MAPK10: variants seen among roughly 807,000 people sequenced by gnomAD.
The protein encoded by MAPK10 is mitogen-activated protein kinase 10, also known as JNK3 alpha protein kinase.
In MAPK10, 25 loss-of-function variants were observed where a neutral mutation model predicts 59.3. The observed-to-expected ratio is 0.42, with a 90% confidence interval of 0.31 to 0.59. The LOEUF is 0.59. Ranked by LOEUF, MAPK10 falls within the 20% of genes least tolerant of loss-of-function variation. The pLI, the probability that MAPK10 is intolerant of heterozygous loss-of-function variation, is 0.15. For synonymous variants in MAPK10, 190 were observed against 200.5 expected (o/e 0.95, Z 0.44); for missense variants, 351 against 568.9 (o/e 0.62, Z 3.90).
rs2061865378 is a variant in MAPK10, at chr4:86,135,579, G to C, written c.236+23719C>G. Among the ~76,000 whole-genome samples the C allele has an allele frequency of 2.0e-5, 3 of 152,158 alleles. No individual in the cohort carries two copies. In the South Asian group the frequency reaches 6.2e-4, roughly 32 times the overall value. ...GACCAAAAGTAGATAAAACCACAAA[G>C]ATGGGGAAAAAACAGAACAGAAAAA... On this transcript the variant is annotated intron_variant, in intron 4 of 13. Coordinates refer to ENST00000641462, the MANE Select transcript of MAPK10 (RefSeq NM_138982.4).
chr4:86,325,918 G>A (rs991246179), intron 2 of MAPK10: 1 of 152,200 alleles, frequency 6.6e-6, no homozygotes, highest in Non-Finnish European at 1.5e-5. Flanking sequence ...CATGCAGCAT[G>A]TCAGAGGACC....
intron 4 of MAPK10, chr4:86,124,004 A>G (rs905705593): frequency 6.6e-6 from 1 of 152,076 alleles, no homozygotes; most frequent in South Asian, 2.1e-4. Context: ...ACTCAAAATA[A>G]AGCTATGGAA....
At chr4:86,247,037 G>C (rs145002128) in intron 2 of MAPK10, among the ~76,000 whole-genome samples, 1 of 152,172 alleles carries the variant, frequency 6.6e-6, no homozygotes, top group Non-Finnish European at 1.5e-5. Flanking sequence ...GCTTCAGCCA[G>C]AGAGAATAAG....
At chr4:86,452,821 C>A (rs1340596272) in intron 1 of MAPK10, among the ~76,000 whole-genome samples, 1 of 152,090 alleles carries the variant, frequency 6.6e-6, no homozygotes, top group Non-Finnish European at 1.5e-5. Context: ...GCATCGTGAA[C>A]TTTTGCTCCA....
intron 4 of MAPK10, among the ~76,000 whole-genome samples, chr4:86,157,289 T>A (rs1296394454): frequency 1.3e-5 from 2 of 151,940 alleles, no homozygotes; most frequent in Middle Eastern, 3.2e-3. Context: ...CATATGCCAA[T>A]ACTTATGCTT....
rs2042794468 is a variant in MAPK10, at chr4:86,047,826, G to A, written c.1111-16395C>T. Reference sequence around the variant, plus strand: ...ATTGGAAGATGGGAAGGTGTTAGCTGAGGAATTATGTGAATGTAACGTGTT... The same window carrying A: ...ATTGGAAGATGGGAAGGTGTTAGCTAAGGAATTATGTGAATGTAACGTGTT... On this transcript the variant is annotated intron_variant, in intron 11 of 13. Transcript: ENST00000641462. Among the ~76,000 whole-genome samples, 2 of 152,140 alleles carry A rather than the reference G, an allele frequency of 1.3e-5. 1 individual carries two copies.
At chr4:86,551,982 A>T (rs1759828162) in intron 1 of MAPK10, among the ~76,000 whole-genome samples, 1 of 152,192 alleles carries the variant, frequency 6.6e-6, no homozygotes, top group African/African-American at 2.4e-5. Flanking sequence ...TTATTTTCAT[A>T]GGATTAAAGG....
At chr4:86,480,598 C>T (rs1273961026) in intron 1 of MAPK10, among the ~76,000 whole-genome samples, 1 of 152,062 alleles carries the variant, frequency 6.6e-6, no homozygotes, top group East Asian at 1.9e-4. Flanking sequence ...AAGAAAAGAA[C>T]ATTTGGAATT....
chr4:86,227,485 TAAA>T (rs557108399), intron 2 of MAPK10, among the ~76,000 whole-genome samples: 1 of 114,180 alleles, frequency 8.8e-6, no homozygotes, highest in Non-Finnish European at 1.8e-5. Context: ...AGACTCCCTC[TAAA>T]AAAAAAAAAA....
intron 13 of MAPK10, among the ~76,000 whole-genome samples, chr4:86,022,817 C>T (rs545362659): frequency 1.3e-5 from 2 of 152,254 alleles, no homozygotes; most frequent in South Asian, 4.1e-4. Flanking sequence ...CCTGTAAGAG[C>T]TCTTTATATA....
intron 1 of MAPK10, among the ~76,000 whole-genome samples, chr4:86,484,142 C>T (rs917366751): frequency 4.6e-5 from 7 of 151,996 alleles, no homozygotes; most frequent in Admixed American, 2.0e-4. Context: ...TCCTTGAAGC[C>T]GAGAGAATTT....
intron 4 of MAPK10, among the ~76,000 whole-genome samples, chr4:86,134,502 C>A (rs190269681): frequency 6.6e-6 from 1 of 152,330 alleles, no homozygotes; most frequent in Admixed American, 6.5e-5. Context: ...TATTGCCACA[C>A]ACCACACATA....
At chr4:86,060,381 T>C (rs1471682357) in intron 11 of MAPK10, among the ~76,000 whole-genome samples, 9 of 152,198 alleles carry the variant, frequency 5.9e-5, no homozygotes, top group Non-Finnish European at 1.3e-4. Flanking sequence ...TGAAGTGCTC[T>C]GAAATTTCTG....
chr4:86,497,988 T>C (rs1318221148), intron 1 of MAPK10, among the ~76,000 whole-genome samples: 1 of 152,190 alleles, frequency 6.6e-6, no homozygotes, highest in Non-Finnish European at 1.5e-5. Flanking sequence ...AGAATTTATT[T>C]ATCTAATTGG....
chr4:86,508,181 T>C (rs764729778), intron 1 of MAPK10, among the ~76,000 whole-genome samples: 49 of 152,258 alleles, frequency 3.2e-4, no homozygotes, highest in East Asian at 7.7e-4. Context: ...TCCTCTCTGT[T>C]ATTTAGTTTC....
chr4:86,511,720 C>T (rs1390761579), intron 1 of MAPK10, among the ~76,000 whole-genome samples: 2 of 116,492 alleles, frequency 1.7e-5, no homozygotes, highest in African/African-American at 3.4e-5. Flanking sequence ...GGAGGAGGAG[C>T]GGGAGCAGGA....
intron 1 of MAPK10, among the ~76,000 whole-genome samples, chr4:86,557,375 T>C (rs1760348719): frequency 6.6e-6 from 1 of 152,068 alleles, no homozygotes; most frequent in African/African-American, 2.4e-5. Context: ...TAATGAATTG[T>C]TCCCATGTAC....
intron 2 of MAPK10, among the ~76,000 whole-genome samples, chr4:86,252,273 C>T (rs1469125706): frequency 7.9e-6 from 1 of 126,954 alleles, no homozygotes; most frequent in East Asian, 2.0e-4. Flanking sequence ...ATGGTAATGC[C>T]TTGGTTTTCT....
At position 86,546,545 on chromosome 4, in the gene MAPK10, G is replaced by A. The variant is rs1484340540; in HGVS notation, c.-263+47365C>T. Among the ~76,000 whole-genome samples the A allele has an allele frequency of 6.1e-5, 8 of 131,568 alleles. No individual in the cohort carries two copies. In the South Asian group the frequency reaches 1.7e-3, roughly 27 times the overall value. The allele number at this position is 131,568 out of a possible 152,430, so 86.3% of individuals were successfully genotyped here. A position where few individuals can be genotyped will look rare whatever the true frequency, so the allele number is the denominator to read the frequency against. On this transcript the variant is annotated intron_variant, in intron 1 of 4. Transcript: ENST00000502302. The stretch of plus-strand genomic sequence containing the variant: ...GCACTCCAGCCTGGGGGACAAGAGC[G>A]AAACTCCTTCTAAAAAAAAAAAAAA...
Sources: gnomAD v4.1 joint callset for allele counts (sites outside exome capture counted in the v4.1 genomes callset) on GRCh38, gnomAD v4.1.1 for gene constraint, MANE v1.5 for transcripts, NCBI Gene and HGNC (gene_info 2026-07-23, HGNC 2026-07-21) for gene names.